The following HMGA1 variants were observed in gnomAD, a reference collection of about 807,000 sequenced individuals.
HMGA1 encodes high mobility group AT-hook 1, also known as high mobility group protein HMG-I/HMG-Y.
A neutral mutation model predicts 15.1 loss-of-function variants in HMGA1; 1 was observed. That is an observed-to-expected ratio of 0.07 (90% CI 0.02 to 0.31). The LOEUF (loss-of-function observed/expected upper bound fraction) is 0.31. HMGA1 is among the 10% of genes least tolerant of loss of function. The pLI is 1.00. For missense variants in HMGA1, 94 were observed against 141.4 expected, an observed-to-expected ratio of 0.66 and a Z score of 1.70; for synonymous variants, 56 against 54.8, an observed-to-expected ratio of 1.02 and a Z score of -0.10.
chr6:34,242,806 A>C lies in HMGA1; in HGVS notation c.219+11A>C. On this transcript the variant is annotated intron_variant, in intron 4 of 5. Coordinates refer to ENST00000311487, the MANE Select transcript of HMGA1 (RefSeq NM_145899.3). ...GCTGCCAAGACCCGGGTGAGACTTG[A>C]GATGGGACTACCCCTGGGTGGATGA... 1 of 1,566,548 alleles carries C rather than the reference A, an allele frequency of 6.4e-7. No homozygotes were observed. The highest frequency in any genetic ancestry group is 8.7e-7 in the Non-Finnish European group (1 of 1,151,038).
intron 2 of HMGA1, 148 bp downstream of exon 2, chr6:34,237,465 G>GGGGAGGGCCGCGCGGCGC (rs1323425811): frequency 5.1e-4 from 73 of 143,834 alleles, no homozygotes; most frequent in African/African-American, 1.8e-3. Context: ...GCCGGCGGCG[G>GGGGAGGGCCGCGCGGCGC]GGGAGGGCCG....
intron 2 of HMGA1, among the ~76,000 whole-genome samples, chr6:34,240,086 C>G (rs951592054): frequency 6.6e-6 from 1 of 152,144 alleles, no homozygotes; most frequent in Non-Finnish European, 1.5e-5. Flanking sequence ...TCTCCTCCCT[C>G]CCTCAATTAT....
chr6:34,241,747 AGAGGTAAGAG>A (rs1224899576), intron 3 of HMGA1, among the ~76,000 whole-genome samples: 1 of 152,154 alleles, frequency 6.6e-6, no homozygotes, highest in Non-Finnish European at 1.5e-5. Flanking sequence ...TCCCTGGGAG[AGAGGTAAGAG>A]GAGTTGAGTT....
At chr6:34,239,279 T>C (rs76744867) in intron 2 of HMGA1, among the ~76,000 whole-genome samples, 2 of 151,946 alleles carry the variant, frequency 1.3e-5, no homozygotes, top group African/African-American at 4.8e-5. Context: ...TTTTTTTTTT[T>C]TCTTTTAAAT....
intron 2 of HMGA1, among the ~76,000 whole-genome samples, chr6:34,240,047 TCCCCCACCTCA>T (rs1762171074): frequency 6.6e-6 from 1 of 151,924 alleles, no homozygotes; most frequent in Admixed American, 6.6e-5. Flanking sequence ...CTCACTTTCC[TCCCCCACCTCA>T]CCCACTAGCT....
At chr6:34,244,739 C>A in intron 5 of HMGA1, 92 bp from the exon 6 acceptor site, 1 of 1,022,080 alleles carries the variant, frequency 9.8e-7, no homozygotes, top group Non-Finnish European at 1.5e-6. Flanking sequence ...TTCAGGAGAG[C>A]CAGGGAGTGC....
intron 2 of HMGA1, chr6:34,239,021 T>G (rs1265955997): frequency 4.6e-5 from 7 of 152,206 alleles, no homozygotes; most frequent in African/African-American, 1.7e-4. Flanking sequence ...TGGTGTAATA[T>G]AAGATTCTAA....
Position 34,242,777 on chromosome 6 carries a change from G to A in HMGA1, c.201G>A (p.Lys67=). ...PRGRPKGSKN[K]GAAKTRKTTT... ...GCCGACCAAAGGGAAGCAAAAACAA[G>A]GGTGCTGCCAAGACCCGGGTGAGAC... is the stretch of plus-strand genomic sequence containing the variant. The change falls in exon 4 of 6, where the codon AAG becomes AAA. Residue 67 remains lysine (K), a synonymous_variant. Transcript: ENST00000311487. 6.3e-7 allele frequency: 1 copy of A among 1,590,972 alleles called. No homozygotes were observed. The highest frequency in any genetic ancestry group is 1.1e-5 in the South Asian group (1 of 87,928).
intron 1 of HMGA1, 44 bp downstream of exon 1, chr6:34,237,007 T>C (rs1761799475): frequency 6.6e-6 from 1 of 152,044 alleles, no homozygotes; most frequent in South Asian, 2.1e-4. Context: ...TTTATATCTA[T>C]AATTTAATTA....
chr6:34,245,523 A>C lies in HMGA1; in HGVS notation c.*639A>C. ...AGGTTGGACAGCCCCCTTCGGTTAC[A>C]GGAAGGCAGGAGGGGTGAGTCCCCT... On this transcript the variant is annotated 3_prime_UTR_variant, in exon 6 of 6. Transcript: ENST00000311487. 1 of 1,381,720 alleles carries C rather than the reference A, an allele frequency of 7.2e-7. No homozygotes were observed. Among genetic ancestry groups the C allele is most frequent in the South Asian group, 1.2e-5 (1 of 81,630 alleles). 85.6% of individuals were successfully genotyped at this position (1,381,720 alleles called of 1,614,324 possible). A position where few individuals can be genotyped will look rare whatever the true frequency, so the allele number is the denominator to read the frequency against.
chr6:34,238,299 C>T (rs914070505), intron 2 of HMGA1, among the ~76,000 whole-genome samples: 3 of 152,120 alleles, frequency 2.0e-5, no homozygotes, highest in African/African-American at 7.2e-5. Context: ...CGGCCTGCAA[C>T]GGCCGGGCGC....
At chr6:34,237,834 C>T (rs899272429) in intron 2 of HMGA1, among the ~76,000 whole-genome samples, 14 of 151,916 alleles carry the variant, frequency 9.2e-5, no homozygotes, top group Non-Finnish European at 1.8e-4. Flanking sequence ...CAAATTCGGC[C>T]CTACGCCCTC....
In HMGA1 at chr6:34,245,101, CT is replaced by C; in HGVS notation, c.*218del. On this transcript the variant is annotated 3_prime_UTR_variant, in exon 6 of 6. Transcript: ENST00000311487. ...GGGCTGAGTGGGGAGCAGTTTTCCC[CT>C]GGCCTCAGTTCCCAGCTCCCCCCGC... The C allele has an allele frequency of 6.6e-7, 1 of 1,516,754 alleles. No homozygotes were observed. The highest frequency in any genetic ancestry group is 8.8e-7 in the Non-Finnish European group (1 of 1,132,896). 94.0% of individuals were successfully genotyped at this position (1,516,754 alleles called of 1,614,324 possible). A position where few individuals can be genotyped will look rare whatever the true frequency, so the allele number is the denominator to read the frequency against.
chr6:34,239,670 T>C (rs1406779444), intron 2 of HMGA1, among the ~76,000 whole-genome samples: 1 of 140,176 alleles, frequency 7.1e-6, no homozygotes, highest in African/African-American at 2.6e-5. Flanking sequence ...GTCTCATCCA[T>C]CTGTAGCCTG....
Position 34,245,529 on chromosome 6 carries a change from G to C in HMGA1, c.*645G>C, listed in dbSNP as rs749655115. ...GACAGCCCCCTTCGGTTACAGGAAG[G>C]CAGGAGGGGTGAGTCCCCTACTCCC... is the stretch of plus-strand genomic sequence containing the variant. On this transcript the variant is annotated 3_prime_UTR_variant, in exon 6 of 6. Coordinates refer to ENST00000311487, the MANE Select transcript of HMGA1 (RefSeq NM_145899.3). 1 of 1,382,178 alleles carries C rather than the reference G, an allele frequency of 7.2e-7. No homozygotes were observed. The highest frequency in any genetic ancestry group is 1.2e-5 in the South Asian group (1 of 81,626). 85.6% of individuals were successfully genotyped at this position (1,382,178 alleles called of 1,614,324 possible). A position where few individuals can be genotyped will look rare whatever the true frequency, so the allele number is the denominator to read the frequency against.
intron 2 of HMGA1, among the ~76,000 whole-genome samples, chr6:34,240,305 C>G (rs1319624397): frequency 6.6e-6 from 1 of 152,182 alleles, no homozygotes; most frequent in East Asian, 1.9e-4. Flanking sequence ...TCCCACTGAA[C>G]TGCGTAGGCT....
chr6:34,242,863 C>A (rs541587705), intron 4 of HMGA1, 68 bp downstream of exon 4: 1 of 1,218,212 alleles, frequency 8.2e-7, no homozygotes, highest in Non-Finnish European at 1.2e-6. Flanking sequence ...GGCACCATGG[C>A]CACGGCTGTG....
At chr6:34,240,583 G>A (rs933610012) in intron 2 of HMGA1, 154 bp from the exon 3 acceptor site, 9 of 637,298 alleles carry the variant, frequency 1.4e-5, no homozygotes, top group African/African-American at 1.1e-4. Flanking sequence ...CAGCATCTGG[G>A]GGTGGGCAGA....
At position 34,245,042 on chromosome 6, in the gene HMGA1, C is replaced by T; in HGVS notation, c.*158C>T. ...TTCCACCTGTGCCCTCACCACCACA[C>T]TACACAGCACACCAGCCGCTGCAGG... On this transcript the variant is annotated 3_prime_UTR_variant, in exon 6 of 6. Transcript: ENST00000311487. 2 of 1,539,834 alleles carry T rather than the reference C, an allele frequency of 1.3e-6. No individual in the cohort carries two copies. The highest frequency in any genetic ancestry group is 1.7e-4 in the Middle Eastern group (1 of 5,804).
Sources: allele counts gnomAD v4.1 joint callset (sites outside exome capture counted in the v4.1 genomes callset), GRCh38; gene constraint gnomAD v4.1.1; transcripts MANE v1.5; gene names NCBI Gene and HGNC (gene_info 2026-07-23, HGNC 2026-07-21).